Variants in CALD1 observed in about 807,000 individuals in gnomAD.
CALD1 encodes caldesmon 1.
In CALD1, 33 loss-of-function variants were observed where a neutral mutation model predicts 99.9. That is an observed-to-expected ratio of 0.33 (90% confidence interval 0.25 to 0.44). CALD1 has a LOEUF of 0.44. CALD1 is among the 20% of genes least tolerant of loss of function. The pLI is 1.00. For missense variants in CALD1, 861 were observed against 962.1 expected (o/e 0.89, Z 1.39); for synonymous variants, 310 against 325.0 (o/e 0.95, Z 0.50).
intron 7 of CALD1, 111 bp from the exon 8 acceptor site, chr7:134,947,397 G>T: frequency 9.0e-7 from 1 of 1,105,288 alleles, no homozygotes; most frequent in Non-Finnish European, 1.3e-6. Context: ...GCTAATGAGA[G>T]GCAGTGGGTA....
At chr7:134,943,508 A>G (rs1276962221) in intron 7 of CALD1, among the ~76,000 whole-genome samples, 1 of 152,230 alleles carries the variant, frequency 6.6e-6, no homozygotes, top group Non-Finnish European at 1.5e-5. Flanking sequence ...ACATGACATA[A>G]AAATCTCAAT....
intron 2 of CALD1, among the ~76,000 whole-genome samples, chr7:134,865,625 A>G (rs1283764747): frequency 1.3e-5 from 2 of 152,232 alleles, no homozygotes; most frequent in Admixed American, 1.3e-4. Flanking sequence ...GGTAGGAGAA[A>G]AAGAATTTGC....
upstream of CALD1, among the ~76,000 whole-genome samples, chr7:134,776,878 G>A (rs1458903864): frequency 1.3e-5 from 2 of 152,014 alleles, no homozygotes; most frequent in East Asian, 1.9e-4. Context: ...CTACATGATC[G>A]CAAACACTCA....
At chr7:134,751,357 G>C (rs1454085506) in intron 1 of CALD1, among the ~76,000 whole-genome samples, 1 of 152,034 alleles carries the variant, frequency 6.6e-6, no homozygotes, top group African/African-American at 2.4e-5. Flanking sequence ...CAATATTTTG[G>C]GGGTGCGATT....
intron 1 of CALD1, among the ~76,000 whole-genome samples, chr7:134,799,419 C>CGTGAA (rs1204608079): frequency 1.3e-5 from 2 of 152,194 alleles, no homozygotes; most frequent in African/African-American, 4.8e-5. Flanking sequence ...AAAGTAAGAG[C>CGTGAA]TCACGGCTTG....
In CALD1 at chr7:134,960,547, G is replaced by C; in HGVS notation, c.2214G>C (p.Leu738Phe). 6.2e-7 allele frequency: 1 copy of C among 1,611,974 alleles called. No individual in the cohort carries two copies. Among genetic ancestry groups the C allele is most frequent in the East Asian group, 2.2e-5 (1 of 44,880 alleles). ...AGTPNKETAG[L>F]KVGVSSRINE... ...CCCCTTTGTAGGAAACTGCTGGCTTGAAGGTAGGGGTTTCTAGCCGCATCA... is the reference window on the plus strand; with the variant it reads ...CCCCTTTGTAGGAAACTGCTGGCTTCAAGGTAGGGGTTTCTAGCCGCATCA... The change falls in exon 13 of 15, where the codon TTG becomes TTC. Residue 738 changes from leucine to phenylalanine, a missense_variant. Transcript: ENST00000361675.
chr7:134,904,882 T>C (rs1166156433), intron 3 of CALD1, among the ~76,000 whole-genome samples: 1 of 152,122 alleles, frequency 6.6e-6, no homozygotes, highest in Non-Finnish European at 1.5e-5. Flanking sequence ...AGCTCTCTGA[T>C]GATAAATTTC....
In CALD1 at chr7:134,866,247, A is replaced by T. The variant is rs185391126; in HGVS notation, c.-41-1446A>T. On this transcript the variant is annotated intron_variant, in intron 2 of 14. Transcript: ENST00000361675. ...AGACTAGATTGGAAAGTGTAGAAAA[A>T]TTTCTTTATGGTCGATGAAATAATA... 8.3e-4 allele frequency among the ~76,000 whole-genome samples: 127 copies of T among 152,310 alleles called. 1 individual carries two copies. The highest frequency in any genetic ancestry group is 3.8e-3 in the Admixed American group (58 of 15,306).
At chr7:134,720,670 G>A in the CALD1 span, among the ~76,000 whole-genome samples, 3 of 152,140 alleles carry the variant, frequency 2.0e-5, no homozygotes, top group Non-Finnish European at 4.4e-5. Context: ...GAAAACAAAC[G>A]CTTAACATGC....
chr7:134,832,892 C>T (rs1352510236), intron 1 of CALD1, among the ~76,000 whole-genome samples: 7 of 152,176 alleles, frequency 4.6e-5, no homozygotes, highest in Admixed American at 4.6e-4. Flanking sequence ...AAGTTATTCA[C>T]AGTTATTTGT....
intron 3 of CALD1, among the ~76,000 whole-genome samples, chr7:134,926,191 C>T (rs1286016503): frequency 6.6e-6 from 1 of 152,192 alleles, no homozygotes; most frequent in African/African-American, 2.4e-5. Flanking sequence ...GAAGACACTG[C>T]AGTGTAGAAT....
At chr7:134,929,489 T>G (rs1000993760) in intron 4 of CALD1, among the ~76,000 whole-genome samples, 1 of 150,418 alleles carries the variant, frequency 6.6e-6, no homozygotes, top group African/African-American at 2.5e-5. Context: ...TGAGAACATT[T>G]GATATTTGGT....
At chr7:134,732,909 C>T in the CALD1 span, among the ~76,000 whole-genome samples, 2 of 152,258 alleles carry the variant, frequency 1.3e-5, no homozygotes, top group African/African-American at 4.8e-5. Context: ...TGGATGTGCG[C>T]TCTGGCTGTG....
chr7:134,764,390 T>C (rs1366792786), intron 1 of CALD1, among the ~76,000 whole-genome samples: 2 of 152,098 alleles, frequency 1.3e-5, no homozygotes, highest in Non-Finnish European at 2.9e-5. Context: ...AAAAGAGAAA[T>C]ATAGGTAGGG....
intron 7 of CALD1, among the ~76,000 whole-genome samples, chr7:134,943,896 A>G (rs1806650072): frequency 6.6e-6 from 1 of 152,224 alleles, no homozygotes; most frequent in African/African-American, 2.4e-5. Flanking sequence ...CCTATAATTA[A>G]TGATATTAGA....
rs142771407 is a variant in CALD1 at position 134,885,052 on chromosome 7, C to T, written c.71+17248C>T. Among the ~76,000 whole-genome samples the T allele has an allele frequency of 1.7e-3, 252 of 152,212 alleles. 1 individual carries two copies. Among genetic ancestry groups the T allele is most frequent in the African/African-American group, 5.9e-3 (243 of 41,524 alleles). On this transcript the variant is annotated intron_variant, in intron 3 of 14. Coordinates refer to ENST00000361675, the MANE Select transcript of CALD1 (RefSeq NM_033138.4). ...CTCCCAGGTTCAAGCGATTCTCATGCCTCAGCCTCTGGAGGGGTTACAGGC... is the reference window on the plus strand; with the variant it reads ...CTCCCAGGTTCAAGCGATTCTCATGTCTCAGCCTCTGGAGGGGTTACAGGC...
chr7:134,713,618 CT>C, the CALD1 span, among the ~76,000 whole-genome samples: 1 of 151,788 alleles, frequency 6.6e-6, no homozygotes, highest in Non-Finnish European at 1.5e-5. Context: ...TAAATCCCCC[CT>C]AGGAAATTCT....
chr7:134,899,156 T>C (rs1462729729), intron 3 of CALD1, among the ~76,000 whole-genome samples: 1 of 152,168 alleles, frequency 6.6e-6, no homozygotes, highest in Admixed American at 6.5e-5. Context: ...CTAGACCTCA[T>C]TTCACACATC....
upstream of CALD1, among the ~76,000 whole-genome samples, chr7:134,742,098 T>G (rs1259083625): frequency 1.3e-5 from 2 of 151,756 alleles, no homozygotes; most frequent in South Asian, 2.1e-4. Context: ...ATTTTTCTCT[T>G]TCAATGGGTG....
Sources: gnomAD v4.1 joint callset for allele counts (sites outside exome capture counted in the v4.1 genomes callset) on GRCh38, gnomAD v4.1.1 for gene constraint, MANE v1.5 for transcripts, NCBI Gene and HGNC (gene_info 2026-07-23, HGNC 2026-07-21) for gene names.